DLGAP2: variants seen among roughly 807,000 people sequenced by gnomAD.
The protein encoded by DLGAP2 is DLG associated protein 2.
DLGAP2 carries 26 observed loss-of-function variants against 100.3 expected under a neutral mutation model. The ratio of observed to expected loss-of-function variants is 0.26; its 90% CI spans 0.19 to 0.36. DLGAP2 has a LOEUF of 0.36. Ranked by LOEUF, DLGAP2 falls within the 10% of genes least tolerant of loss-of-function variation. DLGAP2 has a pLI of 1.00. For missense variants in DLGAP2, 1,858 were observed against 1,453.2 expected, an observed-to-expected ratio of 1.28 and a Z score of -4.53; for synonymous variants, 886 against 630.1, an observed-to-expected ratio of 1.41 and a Z score of -6.08.
intron 2 of DLGAP2, among the ~76,000 whole-genome samples, chr8:967,677 A>T (rs1799904794): frequency 6.8e-6 from 1 of 147,292 alleles, no homozygotes; most frequent in Non-Finnish European, 1.5e-5. Flanking sequence ...ATGTACAAAT[A>T]CCTATGTACA....
intron 6 of DLGAP2, among the ~76,000 whole-genome samples, chr8:1,625,273 A>C (rs745768510): frequency 2.0e-5 from 3 of 152,246 alleles, no homozygotes; most frequent in Non-Finnish European, 4.4e-5. Flanking sequence ...ACATTTCTAC[A>C]GCTTTTGATA....
rs116017598 is a variant in DLGAP2 at position 1,384,039 on chromosome 8, T to C, written c.107-117327T>C. Among the ~76,000 whole-genome samples the C allele has an allele frequency of 9.5e-3, 1,440 of 152,332 alleles. 23 individuals carry two copies. The highest frequency in any genetic ancestry group is 0.032 in the African/African-American group (1,323 of 41,570). ...GACCCCAACAAGAAAGGGGTTTTCG[T>C]TATTCACTGGCTCATTCAGACGTTG... On this transcript the variant is annotated intron_variant, in intron 3 of 14. Transcript: ENST00000637795.
chr8:1,279,465 C>G (rs1195661748), intron 3 of DLGAP2, among the ~76,000 whole-genome samples: 1 of 152,138 alleles, frequency 6.6e-6, no homozygotes, highest in Non-Finnish European at 1.5e-5. Flanking sequence ...AATACATATC[C>G]CAATTAATAT....
At chr8:1,366,628 C>T (rs150121811) in intron 3 of DLGAP2, among the ~76,000 whole-genome samples, 164 of 152,156 alleles carry the variant, frequency 1.1e-3, no homozygotes, top group Non-Finnish European at 2.1e-3. Context: ...AGCAGGGGAC[C>T]CAATGGCGTG....
chr8:1,699,351 A>G (rs896637562), intron 14 of DLGAP2, among the ~76,000 whole-genome samples: 9 of 151,940 alleles, frequency 5.9e-5, no homozygotes, highest in African/African-American at 2.2e-4. Flanking sequence ...CACGCCTGTA[A>G]TCCCAGCACT....
At chr8:849,073 A>G (rs1585928710) in intron 1 of DLGAP2, among the ~76,000 whole-genome samples, 1 of 151,384 alleles carries the variant, frequency 6.6e-6, no homozygotes, top group Non-Finnish European at 1.5e-5. Context: ...CTGTTCCAGT[A>G]TAGAATCTTG....
rs74629059 is a variant in DLGAP2, at chr8:1,165,386, C to T, written c.74-93465C>T. On this transcript the variant is annotated intron_variant, in intron 2 of 14. Transcript: ENST00000637795. ...GTTGGCTACCAAGCGCTGGCACAGC[C>T]GGGCTCGGGTCTTAGGGGACAGGTG... 3.0e-3 allele frequency among the ~76,000 whole-genome samples: 464 copies of T among 152,296 alleles called. 11 individuals carry two copies. The highest frequency in any genetic ancestry group is 0.026 in the Admixed American group (392 of 15,302).
intron 3 of DLGAP2, among the ~76,000 whole-genome samples, chr8:1,291,224 C>G (rs146874347): frequency 3.4e-4 from 52 of 152,248 alleles, no homozygotes; most frequent in South Asian, 1.2e-3. Flanking sequence ...GTTACAGATT[C>G]ACAGAATGGA....
At chr8:934,831 A>G (rs573217321) in intron 2 of DLGAP2, among the ~76,000 whole-genome samples, 92 of 152,272 alleles carry the variant, frequency 6.0e-4, no homozygotes, top group Non-Finnish European at 1.1e-3. Context: ...GATCAGACGC[A>G]CAGGTGTTCT....
intron 2 of DLGAP2, among the ~76,000 whole-genome samples, chr8:1,113,416 T>C (rs958379484): frequency 7.2e-5 from 11 of 152,212 alleles, no homozygotes; most frequent in Non-Finnish European, 1.6e-4. Context: ...ATCTTTAACC[T>C]CCCTTGTCAG....
chr8:1,182,233 G>T (rs888757594), intron 2 of DLGAP2, among the ~76,000 whole-genome samples: 7 of 152,216 alleles, frequency 4.6e-5, no homozygotes, highest in Non-Finnish European at 8.8e-5. Context: ...TCCCAACAGG[G>T]GCTTGGGGGC....
chr8:886,386 T>C (rs993504407), intron 1 of DLGAP2, among the ~76,000 whole-genome samples: 5 of 152,182 alleles, frequency 3.3e-5, no homozygotes, highest in Non-Finnish European at 7.4e-5. Context: ...TCTTCTCCGA[T>C]GTTAGTTATT....
At chr8:1,422,786 G>C (rs1045467037) in intron 3 of DLGAP2, among the ~76,000 whole-genome samples, 1 of 152,118 alleles carries the variant, frequency 6.6e-6, no homozygotes, top group Non-Finnish European at 1.5e-5. Context: ...CAGGGGAAAG[G>C]CTGAGGGCAT....
chr8:1,383,882 T>A (rs1248373207), intron 3 of DLGAP2, among the ~76,000 whole-genome samples: 1 of 152,188 alleles, frequency 6.6e-6, no homozygotes, highest in Non-Finnish European at 1.5e-5. Context: ...GAGCGGCAGA[T>A]GTCTTTGGCG....
At chr8:1,252,620 C>G (rs948721661) in intron 2 of DLGAP2, among the ~76,000 whole-genome samples, 2 of 152,290 alleles carry the variant, frequency 1.3e-5, no homozygotes, top group African/African-American at 2.4e-5. Context: ...GAGTGAGTGC[C>G]TATTCACATA....
At chr8:1,313,493 G>C (rs1800659411) in intron 3 of DLGAP2, among the ~76,000 whole-genome samples, 1 of 152,052 alleles carries the variant, frequency 6.6e-6, no homozygotes, top group African/African-American at 2.4e-5. Context: ...GTAAAGTCCG[G>C]AATTTTGATA....
intron 2 of DLGAP2, among the ~76,000 whole-genome samples, chr8:1,205,278 T>C (rs1035772252): frequency 1.3e-5 from 2 of 152,166 alleles, no homozygotes; most frequent in Non-Finnish European, 2.9e-5. Context: ...CGAGGAGGTG[T>C]GTCCAACCAG....
At chr8:1,497,644 G>A (rs561709477) in intron 3 of DLGAP2, among the ~76,000 whole-genome samples, 10 of 152,166 alleles carry the variant, frequency 6.6e-5, no homozygotes, top group African/African-American at 2.2e-4. Context: ...TCCCAGATGC[G>A]GAAGATGTAA....
At chr8:1,684,932 A>G (rs1469866537) in intron 12 of DLGAP2, among the ~76,000 whole-genome samples, 2 of 152,248 alleles carry the variant, frequency 1.3e-5, no homozygotes, top group African/African-American at 4.8e-5. Context: ...CTTGCCCCAA[A>G]TGACTCCTCC....
Sources: allele counts gnomAD v4.1 joint callset (sites outside exome capture counted in the v4.1 genomes callset), GRCh38; gene constraint gnomAD v4.1.1; transcripts MANE v1.5; gene names NCBI Gene and HGNC (gene_info 2026-07-23, HGNC 2026-07-21).